DRC11: variants seen among roughly 807,000 people sequenced by gnomAD.
The protein encoded by DRC11 is dynein regulatory complex subunit 11, also known as IQ and AAA domain-containing protein 1.
chr2:236,455,385 C>T, the DRC11 span, among the ~76,000 whole-genome samples: 9 of 152,312 alleles, frequency 5.9e-5, no homozygotes, highest in African/African-American at 2.2e-4. This position sits in a 1 kb window ranked among gnomAD's most constrained non-coding sequence, Gnocchi z 5.7. Flanking sequence ...GTGCCCTTGC[C>T]TGGCAGGAGC....
chr2:236,450,769 T>G, the DRC11 span, among the ~76,000 whole-genome samples: 1 of 152,238 alleles, frequency 6.6e-6, no homozygotes, highest in South Asian at 2.1e-4. Flanking sequence ...CTCTCCACTT[T>G]GTCTGATGTA....
chr2:236,432,960 G>A, the DRC11 span, among the ~76,000 whole-genome samples: 3 of 152,030 alleles, frequency 2.0e-5, no homozygotes, highest in Non-Finnish European at 2.9e-5. Flanking sequence ...AAAGACTTGG[G>A]AATTTAATTT....
the DRC11 span, among the ~76,000 whole-genome samples, chr2:236,366,007 G>C: frequency 6.6e-6 from 1 of 152,168 alleles, no homozygotes; most frequent in Non-Finnish European, 1.5e-5. Flanking sequence ...CCAAGGAAGT[G>C]CCCCTGCATC....
chr2:236,344,382 G>A, the DRC11 span, among the ~76,000 whole-genome samples: 1 of 152,134 alleles, frequency 6.6e-6, no homozygotes, highest in Admixed American at 6.5e-5. Flanking sequence ...CATAAAGTCA[G>A]ACCACAGAAC....
At chr2:236,485,186 C>T in the DRC11 span, among the ~76,000 whole-genome samples, 2 of 151,976 alleles carry the variant, frequency 1.3e-5, no homozygotes, top group East Asian at 1.9e-4. Context: ...TAGTTTTTAA[C>T]CTGCTAGTGC....
At chr2:236,465,432 G>C in the DRC11 span, 1 of 1,289,134 alleles carries the variant, frequency 7.8e-7, no homozygotes, top group Non-Finnish European at 1.1e-6. The surrounding 1 kb of genome is among the most constrained non-coding windows in gnomAD (Gnocchi z 6.2). Context: ...ATATGCTTCT[G>C]TGCTTAAAAA....
chr2:236,420,733 C>T, the DRC11 span, among the ~76,000 whole-genome samples: 1 of 152,138 alleles, frequency 6.6e-6, no homozygotes, highest in Non-Finnish European at 1.5e-5. The surrounding 1 kb of genome is among the most constrained non-coding windows in gnomAD (Gnocchi z 4.8). Flanking sequence ...TTACCTGAGC[C>T]TGGAAGGTAG....
At chr2:236,392,132 G>C in the DRC11 span, 4 of 1,569,220 alleles carry the variant, frequency 2.5e-6, no homozygotes, top group Non-Finnish European at 3.5e-6. This position sits in a 1 kb window ranked among gnomAD's most constrained non-coding sequence, Gnocchi z 5.1. Flanking sequence ...TTTTGTTTGT[G>C]AAGTTTAAAA....
the DRC11 span, among the ~76,000 whole-genome samples, chr2:236,365,472 G>A: frequency 1.3e-5 from 2 of 152,190 alleles, no homozygotes; most frequent in Middle Eastern, 3.4e-3. This position sits in a 1 kb window ranked among gnomAD's most constrained non-coding sequence, Gnocchi z 7.4. Flanking sequence ...AGGAGCCAGC[G>A]GTCAGGGGCC....
chr2:236,379,322 C>A, the DRC11 span, among the ~76,000 whole-genome samples: 1 of 134,680 alleles, frequency 7.4e-6, no homozygotes, highest in Non-Finnish European at 1.6e-5. Context: ...GCGACAGGAC[C>A]AAGGGGAGGG....
At chr2:236,333,687 G>A in the DRC11 span, among the ~76,000 whole-genome samples, 1 of 152,174 alleles carries the variant, frequency 6.6e-6, no homozygotes, top group African/African-American at 2.4e-5. The surrounding 1 kb of genome is among the most constrained non-coding windows in gnomAD (Gnocchi z 6.0). Flanking sequence ...GTGCTCACTG[G>A]CAACCAATAA....
chr2:236,363,926 C>A, the DRC11 span: 3 of 1,613,862 alleles, frequency 1.9e-6, no homozygotes. This position sits in a 1 kb window ranked among gnomAD's most constrained non-coding sequence, Gnocchi z 5.6. Flanking sequence ...CCAGACGGCC[C>A]GGCTAACAGT....
At chr2:236,373,990 C>T in the DRC11 span, among the ~76,000 whole-genome samples, 1 of 152,332 alleles carries the variant, frequency 6.6e-6, no homozygotes, top group East Asian at 1.9e-4. Flanking sequence ...CCAGCTCCTT[C>T]ACACTTTCTT....
chr2:236,393,626 G>GCC, the DRC11 span, among the ~76,000 whole-genome samples: 1 of 152,228 alleles, frequency 6.6e-6, no homozygotes, highest in Non-Finnish European at 1.5e-5. The surrounding 1 kb of genome is among the most constrained non-coding windows in gnomAD (Gnocchi z 4.7). Flanking sequence ...ACAAACCACA[G>GCC]AGGACCAGGA....
the DRC11 span, chr2:236,408,353 G>A: frequency 1.3e-6 from 1 of 763,214 alleles, no homozygotes; most frequent in African/African-American, 1.7e-5. This position sits in a 1 kb window ranked among gnomAD's most constrained non-coding sequence, Gnocchi z 5.5. Flanking sequence ...GTCTTGCAGG[G>A]TAGCTTCTTG....
the DRC11 span, among the ~76,000 whole-genome samples, chr2:236,307,068 G>A: frequency 6.6e-6 from 1 of 152,120 alleles, no homozygotes; most frequent in Non-Finnish European, 1.5e-5. The surrounding 1 kb of genome is among the most constrained non-coding windows in gnomAD (Gnocchi z 7.0). Flanking sequence ...CATCAGAGAT[G>A]TTTGTCCTCA....
At chr2:236,499,417 T>C in the DRC11 span, among the ~76,000 whole-genome samples, 58 of 152,170 alleles carry the variant, frequency 3.8e-4, no homozygotes, top group Admixed American at 1.6e-3. The surrounding 1 kb of genome is among the most constrained non-coding windows in gnomAD (Gnocchi z 4.7). Context: ...CCATGCCTGC[T>C]CTCCCTTTCC....
the DRC11 span, chr2:236,486,712 C>A: frequency 1.4e-6 from 1 of 720,184 alleles, no homozygotes; most frequent in Non-Finnish European, 2.4e-6. The surrounding 1 kb of genome is among the most constrained non-coding windows in gnomAD (Gnocchi z 5.7). Flanking sequence ...GACTCCATTC[C>A]ATTAAATCAT....
At chr2:236,360,874 C>T in the DRC11 span, among the ~76,000 whole-genome samples, 40 of 152,134 alleles carry the variant, frequency 2.6e-4, no homozygotes, top group African/African-American at 2.9e-4. This position sits in a 1 kb window ranked among gnomAD's most constrained non-coding sequence, Gnocchi z 5.8. Context: ...AAATGGAAAA[C>T]GAAGTCTCTG....
Sources: gnomAD v4.1 joint callset for allele counts (sites outside exome capture counted in the v4.1 genomes callset) on GRCh38, gnomAD v4.1.1 for gene constraint, Gnocchi (gnomAD v3.1) non-coding constraint, MANE v1.5 for transcripts, NCBI Gene and HGNC (gene_info 2026-07-23, HGNC 2026-07-21) for gene names.